Variants in VIPR2 observed in about 807,000 individuals in gnomAD.
VIPR2 encodes vasoactive intestinal polypeptide receptor 2.
Under a neutral mutation model 58.0 loss-of-function variants are expected in VIPR2, and 48 were observed. The ratio of observed to expected loss-of-function variants is 0.83; its 90% CI spans 0.66 to 1.05. The LOEUF (loss-of-function observed/expected upper bound fraction) is 1.05. VIPR2 is among the 50% of genes least tolerant of loss of function. VIPR2 has a pLI of 0.00. For missense variants in VIPR2, 534 were observed against 558.0 expected (o/e 0.96, Z 0.43); for synonymous variants, 243 against 235.2 (o/e 1.03, Z -0.30).
At chr7:159,070,964 G>A (rs770431865) in intron 4 of VIPR2, among the ~76,000 whole-genome samples, 4 of 152,148 alleles carry the variant, frequency 2.6e-5, no homozygotes, top group African/African-American at 7.2e-5. Context: ...GAAACGGCAC[G>A]CCCACAGACT....
In VIPR2 at chr7:159,028,327, C is replaced by T. The variant is rs1853348530; in HGVS notation, c.*2289G>A. 6.5e-6 allele frequency: 1 copy of T among 154,310 alleles called. No homozygotes were observed. The highest frequency in any genetic ancestry group is 1.4e-5 in the Non-Finnish European group (1 of 69,298). The allele number at this position is 154,310 out of a possible 1,614,324, so 9.6% of individuals were successfully genotyped here. A position where few individuals can be genotyped will look rare whatever the true frequency, so the allele number is the denominator to read the frequency against. On this transcript the variant is annotated 3_prime_UTR_variant, in exon 13 of 13. Transcript: ENST00000262178. ...TGCTCACCAGGCATCTGTCAGGAAA[C>T]AGCCGGCCCCTCTACCAGGAGAAAC...
At chr7:159,057,038 G>T (rs572351461) in intron 5 of VIPR2, among the ~76,000 whole-genome samples, 75 of 152,324 alleles carry the variant, frequency 4.9e-4, no homozygotes, top group Non-Finnish European at 1.0e-3. Flanking sequence ...TCATAGGCGG[G>T]ATAATTCCTG....
At chr7:159,069,808 A>T (rs1301709037) in intron 4 of VIPR2, among the ~76,000 whole-genome samples, 1 of 151,410 alleles carries the variant, frequency 6.6e-6, no homozygotes, top group Non-Finnish European at 1.5e-5. Flanking sequence ...TTTCACCCCC[A>T]GTTCCCCCTT....
At chr7:159,144,024 T>A (rs1797583525) in intron 1 of VIPR2, among the ~76,000 whole-genome samples, 1 of 152,182 alleles carries the variant, frequency 6.6e-6, no homozygotes, top group Non-Finnish European at 1.5e-5. Context: ...CAGACCTGCC[T>A]CGGCTGCGAC....
At chr7:159,050,260 C>T (rs1854908022) in intron 5 of VIPR2, among the ~76,000 whole-genome samples, 1 of 151,392 alleles carries the variant, frequency 6.6e-6, no homozygotes, top group Non-Finnish European at 1.5e-5. Context: ...TCGCTTGAAC[C>T]CGGGAGGCAG....
chr7:159,063,540 G>A (rs538793132), intron 4 of VIPR2, among the ~76,000 whole-genome samples: 42 of 152,104 alleles, frequency 2.8e-4, no homozygotes, highest in African/African-American at 9.9e-4. Flanking sequence ...AGCTGAGGGA[G>A]CCGGCTCTGG....
At chr7:159,064,642 CCAGGCTGCTCTCTCGAGGCCGAG>C (rs1855979499) in intron 4 of VIPR2, among the ~76,000 whole-genome samples, 1 of 152,134 alleles carries the variant, frequency 6.6e-6, no homozygotes, top group Non-Finnish European at 1.5e-5. Flanking sequence ...CAGAGGCCGG[CCAGGCTGCTCTCTCGAGGCCGAG>C]CAGTCGGTGC....
At chr7:159,110,534 T>C (rs1795955170) in intron 2 of VIPR2, among the ~76,000 whole-genome samples, 1 of 152,252 alleles carries the variant, frequency 6.6e-6, no homozygotes, top group South Asian at 2.1e-4. Flanking sequence ...GGTTCAAATC[T>C]TTTAATGAAT....
At chr7:159,087,363 T>C (rs1857236536) in intron 4 of VIPR2, among the ~76,000 whole-genome samples, 1 of 72,288 alleles carries the variant, frequency 1.4e-5, no homozygotes, top group Non-Finnish European at 2.7e-5. Context: ...ATACACAGGA[T>C]CCTCATAGTG....
chr7:159,096,380 C>T lies in VIPR2; in HGVS notation c.357+7377G>A, dbSNP rs1481527199. ...ATGCCCAGAAGCGCCTGGCGCACCG[C>T]TGTGTTTCCTACAGGTCCGCTGCCC... On this transcript the variant is annotated intron_variant, in intron 4 of 12. Coordinates refer to ENST00000262178, the MANE Select transcript of VIPR2 (RefSeq NM_003382.5). The surrounding 1 kb of genome is among the most constrained non-coding windows in gnomAD (Gnocchi z 5.5). 6.6e-6 allele frequency among the ~76,000 whole-genome samples: 1 copy of T among 152,230 alleles called. No homozygotes were observed. The highest frequency in any genetic ancestry group is 1.9e-4 in the East Asian group (1 of 5,192).
rs1796696260 is a variant in VIPR2 at position 159,127,436 on chromosome 7, A to C, written c.151+15010T>G. Reference sequence around the variant, plus strand: ...TATTAAATGAACAAGAGGATTTTTCAAAGTAACGTTTATAGGTCCAGATAG... The same window carrying C: ...TATTAAATGAACAAGAGGATTTTTCCAAGTAACGTTTATAGGTCCAGATAG... On this transcript the variant is annotated intron_variant, in intron 2 of 12. Coordinates refer to ENST00000262178, the MANE Select transcript of VIPR2 (RefSeq NM_003382.5). The surrounding 1 kb of genome is among the most constrained non-coding windows in gnomAD (Gnocchi z 4.6). 6.6e-6 allele frequency among the ~76,000 whole-genome samples: 1 copy of C among 152,210 alleles called. No homozygotes were observed. The highest frequency in any genetic ancestry group is 1.5e-5 in the Non-Finnish European group (1 of 68,026).
chr7:159,115,200 T>C (rs933696465), intron 2 of VIPR2, among the ~76,000 whole-genome samples: 1 of 152,192 alleles, frequency 6.6e-6, no homozygotes. Context: ...CACCAGCATT[T>C]CCACTACCAT....
chr7:159,030,664 G>T lies in VIPR2; in HGVS notation c.1269C>A (p.Arg423=), dbSNP rs766128809. 3.0e-5 allele frequency: 47 copies of T among 1,562,424 alleles called. No individual in the cohort carries two copies. Among genetic ancestry groups the T allele is most frequent in the Admixed American group, 7.6e-5 (4 of 52,560 alleles). Residue 423 remains arginine, a synonymous_variant, in exon 13 of 13, where the codon CGC becomes CGA. Coordinates refer to ENST00000262178, the MANE Select transcript of VIPR2 (RefSeq NM_003382.5). ...NGSEGALQFH[R]GSRAQSFLQT... ...GCAGGAAGGACTGGGCGCGGGAGCC[G>T]CGGTGGAACTGCAGGGCGCCCTCCG...
chr7:159,109,856 G>T lies in VIPR2; in HGVS notation c.215C>A (p.Thr72Lys). ...GCTGAAGACTTTTGGGCAGGGCACC[G>T]TGACGGTCTCTCCCACATTGGCAGG... ...WRPANVGETVTVPCPKVFSNF... is the reference protein window; with the variant it reads ...WRPANVGETVKVPCPKVFSNF... Residue 72 changes from threonine (T) to lysine (K), a missense_variant, in exon 3 of 13, where the codon ACG becomes AAG. Thr to Lys is a moderately conservative substitution (Grantham distance 78). This residue lies in a region of VIPR2 where 224 missense variants were observed against 255.7 expected (regional missense o/e 0.88). Transcript: ENST00000262178. 6.2e-7 allele frequency: 1 copy of T among 1,614,196 alleles called. No individual in the cohort carries two copies. The highest frequency in any genetic ancestry group is 8.5e-7 in the Non-Finnish European group (1 of 1,180,040).
intron 8 of VIPR2, among the ~76,000 whole-genome samples, chr7:159,035,269 AGG>A (rs1853859405): frequency 6.6e-6 from 1 of 152,216 alleles, no homozygotes; most frequent in Admixed American, 6.5e-5. Flanking sequence ...AGGAGCCTTC[AGG>A]CTGGTGCAGT....
At chr7:159,053,653 C>T (rs1855135027) in intron 5 of VIPR2, among the ~76,000 whole-genome samples, 1 of 152,158 alleles carries the variant, frequency 6.6e-6, no homozygotes, top group Admixed American at 6.5e-5. Context: ...ATTCTTCCAC[C>T]CCAGCCCCTT....
intron 4 of VIPR2, among the ~76,000 whole-genome samples, chr7:159,091,278 G>A (rs570274190): frequency 7.9e-5 from 12 of 152,348 alleles, no homozygotes; most frequent in South Asian, 2.1e-4. Flanking sequence ...TCGACTGCTC[G>A]TGGGAATCCC....
intron 4 of VIPR2, among the ~76,000 whole-genome samples, chr7:159,076,940 T>A (rs764069104): frequency 1.4e-4 from 21 of 152,370 alleles, no homozygotes; most frequent in Non-Finnish European, 2.4e-4. Context: ...CTTGGTTGCT[T>A]AGCCTGGAGT....
At chr7:159,139,941 G>A (rs1319197460) in intron 2 of VIPR2, among the ~76,000 whole-genome samples, 1 of 152,230 alleles carries the variant, frequency 6.6e-6, no homozygotes, top group Non-Finnish European at 1.5e-5. Flanking sequence ...TACACATATC[G>A]GCAAGAGAAA....
Sources: allele counts gnomAD v4.1 joint callset (sites outside exome capture counted in the v4.1 genomes callset), GRCh38; gene constraint gnomAD v4.1.1; regional missense constraint gnomAD v4.1.1; non-coding constraint Gnocchi (gnomAD v3.1); transcripts MANE v1.5; gene names NCBI Gene and HGNC (gene_info 2026-07-23, HGNC 2026-07-21).